Variants in ARHGAP42 observed in about 807,000 individuals in gnomAD.
ARHGAP42 encodes Rho GTPase activating protein 42.
In ARHGAP42, 63 loss-of-function variants were observed where a neutral mutation model predicts 125.0. The observed-to-expected ratio is 0.50, with a 90% CI of 0.41 to 0.62. The LOEUF (loss-of-function observed/expected upper bound fraction) is 0.62. Among genes scored for constraint, ARHGAP42 ranks in the 20% least tolerant of loss-of-function variants. The probability of loss-of-function intolerance (pLI) is 0.00; values close to 1 mark genes in which losing one functional copy is unlikely to be tolerated. For missense variants in ARHGAP42, 766 were observed against 1,024.2 expected (o/e 0.75, Z 3.44); for synonymous variants, 339 against 351.0 (o/e 0.97, Z 0.38).
intron 12 of ARHGAP42, among the ~76,000 whole-genome samples, chr11:100,956,578 G>C (rs1857810753): frequency 1.0e-5 from 1 of 97,654 alleles, no homozygotes; most frequent in Non-Finnish European, 2.0e-5. Flanking sequence ...ACCAAGCCTG[G>C]CTTCAAGGGT....
intron 4 of ARHGAP42, among the ~76,000 whole-genome samples, chr11:100,863,600 C>T (rs1359940069): frequency 1.3e-5 from 2 of 152,106 alleles, no homozygotes; most frequent in Non-Finnish European, 2.9e-5. Context: ...CTGTGAGAGG[C>T]ATTAGAAAAG....
rs151193119 is a variant in ARHGAP42, at chr11:100,886,844, A to T, written c.385-26608A>T. Among the ~76,000 whole-genome samples the T allele has an allele frequency of 4.2e-4, 64 of 152,268 alleles. 1 individual carries two copies. Among genetic ancestry groups the T allele is most frequent in the Middle Eastern group, 6.8e-3 (2 of 292 alleles). On this transcript the variant is annotated intron_variant, in intron 4 of 23. Coordinates refer to ENST00000298815, the MANE Select transcript of ARHGAP42 (RefSeq NM_152432.4). ...GGGAAGAACACTGAATTAGGTTTAG[A>T]CTTTATGTTGACCCTCCTTGATTTA...
intron 1 of ARHGAP42, among the ~76,000 whole-genome samples, chr11:100,768,109 G>A (rs1406804434): frequency 6.6e-6 from 1 of 152,110 alleles, no homozygotes; most frequent in Non-Finnish European, 1.5e-5. Flanking sequence ...TCTAGGCATA[G>A]GACCACAATT....
intron 1 of ARHGAP42, among the ~76,000 whole-genome samples, chr11:100,736,127 T>C (rs187017012): frequency 1.3e-3 from 204 of 152,254 alleles, no homozygotes; most frequent in African/African-American, 4.5e-3. Flanking sequence ...CAATGGGAGA[T>C]GATAATGTGG....
intron 1 of ARHGAP42, among the ~76,000 whole-genome samples, chr11:100,769,411 C>CT (rs1315141166): frequency 6.6e-6 from 1 of 152,110 alleles, no homozygotes; most frequent in African/African-American, 2.4e-5. Flanking sequence ...GGATTTACTT[C>CT]TTATTATTCT....
At chr11:100,951,094 T>C (rs1857637071) in intron 12 of ARHGAP42, among the ~76,000 whole-genome samples, 1 of 152,076 alleles carries the variant, frequency 6.6e-6, no homozygotes, top group African/African-American at 2.4e-5. Context: ...CATTTGAAAG[T>C]TATAAATATT....
At chr11:100,804,109 A>G (rs1484408476) in intron 3 of ARHGAP42, among the ~76,000 whole-genome samples, 1 of 152,200 alleles carries the variant, frequency 6.6e-6, no homozygotes, top group African/African-American at 2.4e-5. Flanking sequence ...AGCTAGGACT[A>G]TAGGCACATG....
intron 2 of ARHGAP42, among the ~76,000 whole-genome samples, chr11:100,785,486 G>C (rs1863410975): frequency 6.6e-6 from 1 of 152,196 alleles, no homozygotes; most frequent in South Asian, 2.1e-4. Context: ...GTCCTTGTGG[G>C]TGTGTGAATT....
chr11:100,740,996 C>T (rs1052693374), intron 1 of ARHGAP42, among the ~76,000 whole-genome samples: 1 of 152,076 alleles, frequency 6.6e-6, no homozygotes, highest in Non-Finnish European at 1.5e-5. Flanking sequence ...GGCTCCTTTG[C>T]AGATTACATA....
At chr11:100,974,727 CT>C in intron 19 of ARHGAP42, 124 bp downstream of exon 19, 1 of 1,032,352 alleles carries the variant, frequency 9.7e-7, no homozygotes, top group Non-Finnish European at 1.3e-6. Context: ...AACACCTCCT[CT>C]TTTATCATTT....
chr11:100,758,217 T>A (rs550518885), intron 1 of ARHGAP42, among the ~76,000 whole-genome samples: 7 of 152,336 alleles, frequency 4.6e-5, no homozygotes, highest in Admixed American at 6.5e-5. Context: ...TTTGGAGGTT[T>A]GTGTGAATGT....
rs1177545549 is a variant in ARHGAP42 at position 100,990,041 on chromosome 11, G to A, written c.*1240G>A. On this transcript the variant is annotated 3_prime_UTR_variant, in exon 24 of 24. Coordinates refer to ENST00000298815, the MANE Select transcript of ARHGAP42 (RefSeq NM_152432.4). Reference sequence around the variant, plus strand: ...AGTGAATTTGTAGAGCATAGTAATAGGTATTTACTGTCCACTTATATATAT... The same window carrying A: ...AGTGAATTTGTAGAGCATAGTAATAAGTATTTACTGTCCACTTATATATAT... 6.6e-6 allele frequency: 1 copy of A among 152,072 alleles called. No individual in the cohort carries two copies. The highest frequency in any genetic ancestry group is 2.4e-5 in the African/African-American group (1 of 41,418). 9.4% of individuals were successfully genotyped at this position (152,072 alleles called of 1,614,324 possible).
chr11:100,779,461 A>T (rs1254426179), intron 2 of ARHGAP42, among the ~76,000 whole-genome samples: 2,727 of 80,300 alleles, frequency 0.034, 130 homozygotes, highest in Middle Eastern at 0.068. Context: ...AAAAAAAAAA[A>T]AAAAAAATAT....
intron 3 of ARHGAP42, among the ~76,000 whole-genome samples, chr11:100,853,514 T>A (rs1865253867): frequency 6.6e-6 from 1 of 152,184 alleles, no homozygotes; most frequent in South Asian, 2.1e-4. Flanking sequence ...ATAAATAACC[T>A]ACCTTTGTGG....
chr11:100,813,321 G>T (rs1328572066), intron 3 of ARHGAP42, among the ~76,000 whole-genome samples: 1 of 152,190 alleles, frequency 6.6e-6, no homozygotes, highest in Admixed American at 6.5e-5. Flanking sequence ...AGTGTCTCCA[G>T]ACATTTTGTC....
Position 100,862,326 on chromosome 11 carries a change from T to C in ARHGAP42, c.384+2701T>C, listed in dbSNP as rs372634542. Among the ~76,000 whole-genome samples the C allele has an allele frequency of 2.6e-5, 4 of 152,194 alleles. No homozygotes were observed. In the South Asian group the frequency reaches 8.3e-4, roughly 32 times the overall value. On this transcript the variant is annotated intron_variant, in intron 4 of 23. Coordinates refer to ENST00000298815, the MANE Select transcript of ARHGAP42 (RefSeq NM_152432.4). ...TCATCAATGGTGTTTTTATAAAAAATTGAATTAGAGCATTGTGAAAAATTC... is the reference window on the plus strand; with the variant it reads ...TCATCAATGGTGTTTTTATAAAAAACTGAATTAGAGCATTGTGAAAAATTC...
intron 1 of ARHGAP42, among the ~76,000 whole-genome samples, chr11:100,708,069 C>T (rs1861506533): frequency 6.6e-6 from 1 of 152,212 alleles, no homozygotes. Flanking sequence ...TATGTATGTA[C>T]ACTGAGTAGC....
intron 1 of ARHGAP42, among the ~76,000 whole-genome samples, chr11:100,759,975 T>C (rs1457774678): frequency 6.6e-6 from 1 of 152,154 alleles, no homozygotes; most frequent in Non-Finnish European, 1.5e-5. Flanking sequence ...ATTGCACTGA[T>C]TGGATTACCC....
At chr11:100,878,006 GAAAAA>G (rs35482152) in intron 4 of ARHGAP42, among the ~76,000 whole-genome samples, 2 of 64,452 alleles carry the variant, frequency 3.1e-5, no homozygotes, top group Non-Finnish European at 3.1e-5. Context: ...CTCTGTCCCA[GAAAAA>G]AAAAAAAAAA....
Sources: gnomAD v4.1 joint callset for allele counts (sites outside exome capture counted in the v4.1 genomes callset) on GRCh38, gnomAD v4.1.1 for gene constraint, MANE v1.5 for transcripts, NCBI Gene and HGNC (gene_info 2026-07-23, HGNC 2026-07-21) for gene names.